CSGALNACT1: variants seen among roughly 807,000 people sequenced by gnomAD.
CSGALNACT1 encodes chondroitin sulfate N-acetylgalactosaminyltransferase 1.
Under a neutral mutation model 51.0 loss-of-function variants are expected in CSGALNACT1, and 52 were observed. The ratio of observed to expected loss-of-function variants is 1.02; its 90% CI spans 0.82 to 1.29. The LOEUF (loss-of-function observed/expected upper bound fraction) is 1.29, where lower values mean the gene tolerates loss of function less well. Among genes scored for constraint, CSGALNACT1 ranks in the 50% most tolerant of loss-of-function variants. CSGALNACT1 has a pLI of 0.00. For missense variants in CSGALNACT1, 935 were observed against 679.2 expected (o/e 1.38, Z -4.19); for synonymous variants, 341 against 254.4 (o/e 1.34, Z -3.24).
chr8:19,574,758 G>T (rs1453424166), intron 3 of CSGALNACT1, among the ~76,000 whole-genome samples: 1 of 152,192 alleles, frequency 6.6e-6, no homozygotes, highest in Non-Finnish European at 1.5e-5. Flanking sequence ...CCGGCCAGAT[G>T]TGGTGGCTCA....
chr8:19,526,228 G>C (rs899882251), intron 3 of CSGALNACT1, among the ~76,000 whole-genome samples: 4 of 152,162 alleles, frequency 2.6e-5, no homozygotes. Context: ...CCATTCAGGG[G>C]CTTGCATTTC....
At chr8:19,564,203 A>C (rs1277362430) in intron 3 of CSGALNACT1, among the ~76,000 whole-genome samples, 3 of 152,220 alleles carry the variant, frequency 2.0e-5, no homozygotes, top group Admixed American at 6.5e-5. Flanking sequence ...AAAGGACTTT[A>C]AAGACAACCC....
intron 3 of CSGALNACT1, among the ~76,000 whole-genome samples, chr8:19,526,653 T>A (rs1168474017): frequency 6.6e-6 from 1 of 152,008 alleles, no homozygotes; most frequent in Non-Finnish European, 1.5e-5. Flanking sequence ...GATAAAGATA[T>A]TACTTAAAGG....
intron 3 of CSGALNACT1, among the ~76,000 whole-genome samples, chr8:19,555,655 G>T (rs1412811810): frequency 6.6e-6 from 1 of 152,144 alleles, no homozygotes; most frequent in African/African-American, 2.4e-5. Context: ...GCTGTTTATT[G>T]CTCCCAACTA....
At chr8:19,506,175 A>T in intron 3 of CSGALNACT1, 45 bp from the exon 3 acceptor site, 1 of 510,484 alleles carries the variant, frequency 2.0e-6, no homozygotes, top group Non-Finnish European at 3.8e-6. Flanking sequence ...CAAGACAACG[A>T]CTCCCTCATG....
chr8:19,593,079 T>C (rs2048171747), intron 2 of CSGALNACT1, among the ~76,000 whole-genome samples: 1 of 152,216 alleles, frequency 6.6e-6, no homozygotes, highest in Non-Finnish European at 1.5e-5. Flanking sequence ...GTAAAATGTC[T>C]ATGTGGCACT....
intron 6 of CSGALNACT1, among the ~76,000 whole-genome samples, chr8:19,427,232 A>G (rs1230892326): frequency 2.6e-5 from 4 of 152,234 alleles, no homozygotes; most frequent in Non-Finnish European, 5.9e-5. Context: ...GTTCATTAAG[A>G]AGAGCAAATG....
At chr8:19,549,000 A>G (rs2087216202) in intron 3 of CSGALNACT1, among the ~76,000 whole-genome samples, 1 of 152,086 alleles carries the variant, frequency 6.6e-6, no homozygotes, top group African/African-American at 2.4e-5. Context: ...GAAATTTTAC[A>G]GAGATAGTGT....
intron 4 of CSGALNACT1, among the ~76,000 whole-genome samples, chr8:19,487,888 C>G (rs1438666854): frequency 6.7e-6 from 1 of 150,308 alleles, no homozygotes; most frequent in Non-Finnish European, 1.5e-5. Flanking sequence ...AATGAAAATT[C>G]TCACTTCAAG....
In CSGALNACT1 at chr8:19,458,105, G is replaced by A. The variant is rs147406875; in HGVS notation, c.851+321C>T. 1.5e-3 allele frequency among the ~76,000 whole-genome samples: 227 copies of A among 152,206 alleles called. 2 individuals are homozygous for A. The South Asian group carries it at 0.025, about 17-fold the overall frequency. On this transcript the variant is annotated intron_variant, in intron 5 of 9. Transcript: ENST00000454498. ...GGCTGCTCACTTGCCTGGGAGTCTT[G>A]GTTCCTGCTATCCCCAAACCTGAGC...
intron 1 of CSGALNACT1, among the ~76,000 whole-genome samples, chr8:19,734,753 T>G (rs193093054): frequency 6.6e-6 from 1 of 152,146 alleles, no homozygotes; most frequent in African/African-American, 2.4e-5. Context: ...GCAGACCGGA[T>G]AGCTGAAGAA....
intron 5 of CSGALNACT1, among the ~76,000 whole-genome samples, chr8:19,446,069 G>A (rs1278156584): frequency 2.0e-5 from 3 of 152,108 alleles, no homozygotes; most frequent in Non-Finnish European, 4.4e-5. Context: ...CAGCTATTTG[G>A]GAGGCCGAGG....
rs138803154 is a variant in CSGALNACT1 at position 19,556,149 on chromosome 8, G to A, written c.-297+35011C>T. 1.3e-4 allele frequency among the ~76,000 whole-genome samples: 20 copies of A among 152,138 alleles called. No homozygotes were observed. In the East Asian group the frequency reaches 2.9e-3, roughly 22 times the overall value. On this transcript the variant is annotated intron_variant, in intron 3 of 9. Transcript: ENST00000454498. ...TCCCAACACTGTGGGAGGCTGAGGTGGGCGGATTACCTGAGGTCAGGAAAA... is the reference window on the plus strand; with the variant it reads ...TCCCAACACTGTGGGAGGCTGAGGTAGGCGGATTACCTGAGGTCAGGAAAA...
intron 1 of CSGALNACT1, among the ~76,000 whole-genome samples, chr8:19,745,181 T>A (rs992678003): frequency 6.6e-6 from 1 of 152,238 alleles, no homozygotes; most frequent in Admixed American, 6.5e-5. Context: ...ATACTTCAAA[T>A]AGGGTTTAGC....
At chr8:19,558,626 T>C (rs1340719904) in intron 3 of CSGALNACT1, among the ~76,000 whole-genome samples, 3 of 152,214 alleles carry the variant, frequency 2.0e-5, no homozygotes, top group African/African-American at 4.8e-5. Flanking sequence ...AAAAGACTTA[T>C]TTTTTGCTTC....
intron 1 of CSGALNACT1, among the ~76,000 whole-genome samples, chr8:19,691,618 A>C (rs2061327479): frequency 6.6e-6 from 1 of 152,124 alleles, no homozygotes; most frequent in Non-Finnish European, 1.5e-5. Flanking sequence ...TCATTCACAG[A>C]CGGCCTAGGG....
intron 6 of CSGALNACT1, among the ~76,000 whole-genome samples, chr8:19,425,134 G>C (rs1266006106): frequency 1.3e-5 from 2 of 152,126 alleles, no homozygotes; most frequent in Non-Finnish European, 2.9e-5. Flanking sequence ...CTTGAGGTCA[G>C]GAGTTCGAGA....
intron 3 of CSGALNACT1, among the ~76,000 whole-genome samples, chr8:19,554,133 A>G (rs1379811206): frequency 6.6e-6 from 1 of 152,180 alleles, no homozygotes; most frequent in African/African-American, 2.4e-5. Context: ...GCTGAACATA[A>G]TACAGGGAAA....
chr8:19,410,979 G>A (rs981283080), intron 8 of CSGALNACT1, among the ~76,000 whole-genome samples: 14 of 152,294 alleles, frequency 9.2e-5, no homozygotes, highest in African/African-American at 2.6e-4. Flanking sequence ...ATTATATCAC[G>A]TTCCCATGTG....
Sources: gnomAD v4.1 joint callset for allele counts (sites outside exome capture counted in the v4.1 genomes callset) on GRCh38, gnomAD v4.1.1 for gene constraint, MANE v1.5 for transcripts, NCBI Gene and HGNC (gene_info 2026-07-23, HGNC 2026-07-21) for gene names.